Variants in PRR14L observed in about 807,000 individuals in gnomAD.
PRR14L encodes the protein proline rich 14 like, also known as protein PRR14L.
PRR14L carries 80 observed loss-of-function variants against 155.0 expected under a neutral mutation model. The ratio of observed to expected loss-of-function variants is 0.52; its 90% CI spans 0.43 to 0.62. The LOEUF is 0.62. Ranked by LOEUF, PRR14L falls within the 20% of genes least tolerant of loss-of-function variation. The probability of loss-of-function intolerance (pLI) is 0.00; values close to 1 mark genes in which losing one functional copy is unlikely to be tolerated. For missense variants in PRR14L, 2,469 were observed against 2,548.0 expected, an observed-to-expected ratio of 0.97 and a Z score of 0.67; for synonymous variants, 883 against 916.0, an observed-to-expected ratio of 0.96 and a Z score of 0.65.
chr22:31,749,322 G>A (rs750082725), intron 1 of PRR14L, among the ~76,000 whole-genome samples: 7 of 152,198 alleles, frequency 4.6e-5, no homozygotes, highest in Admixed American at 2.0e-4. Flanking sequence ...GGCTTAAAGG[G>A]AAGAAGAGAA....
rs1261874868 is a variant in PRR14L, at chr22:31,712,759, C to T, written c.5080G>A (p.Glu1694Lys). Reference protein sequence around the residue: ...NSKPMALYSLESIKMTFIDLS... With the variant: ...NSKPMALYSLKSIKMTFIDLS... The stretch of plus-strand genomic sequence containing the variant: ...TCTATGAAGGTCATCTTGATGGATT[C>T]GAGAGAATAAAGTGCCATGGGCTTA... The change falls in exon 4 of 9, where the codon GAA (glutamate) becomes AAA (lysine). Residue 1694 changes from glutamate to lysine, a missense_variant. Physicochemically the swap from Glu to Lys is moderately conservative, Grantham distance 56. This residue lies in a region of PRR14L where 2,363 missense variants were observed against 2,371.6 expected (regional missense o/e 1.00). Coordinates refer to ENST00000327423, the MANE Select transcript of PRR14L (RefSeq NM_173566.3). 13 of 1,551,796 alleles carry T rather than the reference C, an allele frequency of 8.4e-6. No homozygotes were observed. Among genetic ancestry groups the T allele is most frequent in the South Asian group, 1.2e-5 (1 of 84,046 alleles).
chr22:31,734,767 T>A (rs76897681), intron 2 of PRR14L, among the ~76,000 whole-genome samples: 1 of 152,194 alleles, frequency 6.6e-6, no homozygotes, highest in Non-Finnish European at 1.5e-5. Context: ...TATCCATGAA[T>A]GCATTCCTGG....
Position 31,682,435 on chromosome 22 carries a change from A to G in PRR14L, c.*3092T>C, listed in dbSNP as rs1023296343. 6.6e-6 allele frequency: 1 copy of G among 152,148 alleles called. No individual in the cohort carries two copies. Among genetic ancestry groups the G allele is most frequent in the African/African-American group, 2.4e-5 (1 of 41,428 alleles). 9.4% of individuals were successfully genotyped at this position (152,148 alleles called of 1,614,324 possible). A position where few individuals can be genotyped will look rare whatever the true frequency, so the allele number is the denominator to read the frequency against. On this transcript the variant is annotated 3_prime_UTR_variant, in exon 9 of 9. Coordinates refer to ENST00000327423, the MANE Select transcript of PRR14L (RefSeq NM_173566.3). ...ACCTCCCTCAGCTACTGTAGCTTAG[A>G]GTAAGGTCAGTAAGAAAAAGTGGAC...
rs2074491883 is a variant in PRR14L, at chr22:31,688,185, G to A, written c.6150C>T (p.Asn2050=). 1 of 1,603,732 alleles carries A rather than the reference G, an allele frequency of 6.2e-7. No individual in the cohort carries two copies. The part of the protein sequence containing the change: ...KEFSLEEIYT[N]KNYKSPPANR... ...TTGCAGGAGGAGATTTATAATTCTTGTTGGTATATATCTCTTCTAAACTAA... is the reference window on the plus strand; with the variant it reads ...TTGCAGGAGGAGATTTATAATTCTTATTGGTATATATCTCTTCTAAACTAA... Residue 2050 remains asparagine, a synonymous_variant, in exon 8 of 9, where the codon AAC becomes AAT. Transcript: ENST00000327423.
chr22:31,747,976 T>C (rs764153278), intron 1 of PRR14L, among the ~76,000 whole-genome samples: 2 of 147,288 alleles, frequency 1.4e-5, no homozygotes, highest in South Asian at 2.1e-4. Flanking sequence ...GTACAAAATT[T>C]ACAGCAACAA....
chr22:31,711,776 CAAAAA>C (rs757790329), intron 4 of PRR14L, among the ~76,000 whole-genome samples: 6 of 48,732 alleles, frequency 1.2e-4, no homozygotes, highest in South Asian at 1.0e-3. Flanking sequence ...AAGAGTTAAT[CAAAAA>C]AAAAAAAAAA....
intron 3 of PRR14L, among the ~76,000 whole-genome samples, chr22:31,724,995 C>T (rs189193390): frequency 2.0e-5 from 3 of 152,304 alleles, no homozygotes; most frequent in Admixed American, 2.0e-4. Context: ...CTACCACATG[C>T]TGAACTATAC....
At chr22:31,710,417 G>T (rs943929950) in intron 4 of PRR14L, among the ~76,000 whole-genome samples, 1 of 152,048 alleles carries the variant, frequency 6.6e-6, no homozygotes, top group Admixed American at 6.6e-5. Flanking sequence ...ATTACAAAGA[G>T]GAGAGTTTAT....
At chr22:31,726,797 G>A (rs1304993154) in intron 2 of PRR14L, among the ~76,000 whole-genome samples, 1 of 152,108 alleles carries the variant, frequency 6.6e-6, no homozygotes, top group Non-Finnish European at 1.5e-5. Flanking sequence ...GTGGCTGAAA[G>A]AATACATGGA....
chr22:31,685,492 A>C lies in PRR14L; in HGVS notation c.*35T>G. 1.4e-6 allele frequency: 2 copies of C among 1,481,052 alleles called. No individual in the cohort carries two copies. The highest frequency in any genetic ancestry group is 9.0e-7 in the Non-Finnish European group (1 of 1,113,308). 91.7% of individuals were successfully genotyped at this position (1,481,052 alleles called of 1,614,324 possible). A position where few individuals can be genotyped will look rare whatever the true frequency, so the allele number is the denominator to read the frequency against. ...CCCAAAAACAAAACAAAACAAAAAA[A>C]CCCTAAAATTGAGACCCTCAAACTG... On this transcript the variant is annotated 3_prime_UTR_variant, in exon 9 of 9. Transcript: ENST00000327423.
chr22:31,749,244 G>C (rs1205660470), intron 1 of PRR14L, among the ~76,000 whole-genome samples: 2 of 152,114 alleles, frequency 1.3e-5, no homozygotes, highest in Non-Finnish European at 2.9e-5. Context: ...ACCCAGGTTT[G>C]CAACGATTAC....
intron 7 of PRR14L, among the ~76,000 whole-genome samples, chr22:31,700,824 G>T (rs1275493546): frequency 6.6e-6 from 1 of 152,152 alleles, no homozygotes; most frequent in Non-Finnish European, 1.5e-5. Context: ...AAAGTGCTGG[G>T]ATTACAGGCG....
intron 2 of PRR14L, among the ~76,000 whole-genome samples, chr22:31,728,622 A>C (rs1601512210): frequency 6.6e-6 from 1 of 151,526 alleles, no homozygotes; most frequent in Admixed American, 6.6e-5. Flanking sequence ...AAAAAAAAAA[A>C]AACGTATACT....
In PRR14L at chr22:31,714,918, C is replaced by T. The variant is rs2074646796; in HGVS notation, c.2921G>A (p.Ser974Asn). ...QKADEVLDCQ[S>N]NQNRPDECKS... ...GCATTCATCTGGTCTGTTTTGGTTA[C>T]TCTGACAGTCAAGGACTTCATCTGC... Residue 974 changes from serine to asparagine, a missense_variant, in exon 4 of 9, where the codon AGT becomes AAT. By Grantham distance (46) the Ser-to-Asn change is conservative (BLOSUM62 1). Transcript: ENST00000327423. The T allele has an allele frequency of 6.4e-7, 1 of 1,552,008 alleles. No homozygotes were observed.
rs1293176702 is a variant in PRR14L at position 31,714,922 on chromosome 22, G to C, written c.2917C>G (p.Gln973Glu). 13 of 1,551,824 alleles carry C rather than the reference G, an allele frequency of 8.4e-6. No homozygotes were observed. Among genetic ancestry groups the C allele is most frequent in the Non-Finnish European group, 1.1e-5 (13 of 1,147,044 alleles). ...TCATCTGGTCTGTTTTGGTTACTCT[G>C]ACAGTCAAGGACTTCATCTGCCTTC... is the stretch of plus-strand genomic sequence containing the variant. ...DQKADEVLDC[Q>E]SNQNRPDECK... Residue 973 changes from glutamine (Q) to glutamate (E), a missense_variant, in exon 4 of 9, where the codon CAG becomes GAG. Gln to Glu is a conservative substitution (Grantham distance 29, BLOSUM62 2). This residue lies in a region of PRR14L where 2,363 missense variants were observed against 2,371.6 expected (regional missense o/e 1.00). Coordinates refer to ENST00000327423, the MANE Select transcript of PRR14L (RefSeq NM_173566.3).
At chr22:31,707,171 C>A (rs1487434139) in intron 4 of PRR14L, among the ~76,000 whole-genome samples, 2 of 152,114 alleles carry the variant, frequency 1.3e-5, no homozygotes, top group Non-Finnish European at 2.9e-5. Flanking sequence ...CCTCTACCTT[C>A]CATTTGAATT....
chr22:31,713,419 G>T lies in PRR14L; in HGVS notation c.4420C>A (p.His1474Asn). 6.4e-7 allele frequency: 1 copy of T among 1,551,926 alleles called. No homozygotes were observed. Reference protein sequence around the residue: ...LEDQKEERLHHPLRKDTESCT... With the variant: ...LEDQKEERLHNPLRKDTESCT... ...GACTCAGTGTCCTTCCTTAATGGAT[G>T]ATGTAACCTTTCCTCCTTCTGGTCT... The change falls in exon 4 of 9, where the codon CAT (histidine) becomes AAT (asparagine). Residue 1474 changes from histidine to asparagine, a missense_variant. His to Asn is a moderately conservative substitution (Grantham distance 68). Around this residue, in one of 2 missense-constraint regions of PRR14L, gnomAD observed 2,363 missense variants for 2,371.6 expected, o/e 1.00. Transcript: ENST00000327423.
In PRR14L at chr22:31,684,370, CCA is replaced by C. The variant is rs1188971944; in HGVS notation, c.*1155_*1156del. ...CTGAAACATGACCCCGACTCTCTCC[CCA>C]CACTTGAAGCGGGCTGCCTGGAAAG... On this transcript the variant is annotated 3_prime_UTR_variant, in exon 9 of 9. Transcript: ENST00000327423. The C allele has an allele frequency of 1.3e-5, 2 of 152,212 alleles. No individual in the cohort carries two copies. The highest frequency in any genetic ancestry group is 2.9e-5 in the Non-Finnish European group (2 of 68,060). The allele number at this position is 152,212 out of a possible 1,614,324, so 9.4% of individuals were successfully genotyped here.
chr22:31,740,624 G>A (rs1326064416), intron 1 of PRR14L, among the ~76,000 whole-genome samples: 2 of 152,048 alleles, frequency 1.3e-5, no homozygotes, highest in Non-Finnish European at 2.9e-5. Context: ...GCCCCGCAAA[G>A]TGCTGGGATT....
Sources: allele counts gnomAD v4.1 joint callset (sites outside exome capture counted in the v4.1 genomes callset), GRCh38; gene constraint gnomAD v4.1.1; regional missense constraint gnomAD v4.1.1; transcripts MANE v1.5; gene names NCBI Gene and HGNC (gene_info 2026-07-23, HGNC 2026-07-21).